Variants in LINGO2 observed in about 807,000 individuals in gnomAD.
LINGO2 encodes the protein leucine-rich repeat and immunoglobulin-like domain-containing nogo receptor-interacting protein 2.
LINGO2 carries 14 observed loss-of-function variants against 30.6 expected under a neutral mutation model. The ratio of observed to expected loss-of-function variants is 0.46; its 90% CI spans 0.30 to 0.72. LINGO2 has a LOEUF of 0.72. Ranked by LOEUF, LINGO2 falls within the 30% of genes least tolerant of loss-of-function variation. The pLI, the probability that LINGO2 is intolerant of heterozygous loss-of-function variation, is 0.07. For synonymous variants in LINGO2, 317 were observed against 288.5 expected, an observed-to-expected ratio of 1.10 and a Z score of -1.00; for missense variants, 729 against 751.7, an observed-to-expected ratio of 0.97 and a Z score of 0.35.
chr9:28,346,544 G>T (rs1279573783), intron 3 of LINGO2, among the ~76,000 whole-genome samples: 1 of 152,068 alleles, frequency 6.6e-6, no homozygotes, highest in Non-Finnish European at 1.5e-5. Context: ...ATTCCTTTGG[G>T]TACATATCCA....
chr9:27,998,263 ACT>A (rs1821769830), intron 5 of LINGO2, among the ~76,000 whole-genome samples: 1 of 151,912 alleles, frequency 6.6e-6, no homozygotes, highest in South Asian at 2.1e-4. Flanking sequence ...CCTCCACCTG[ACT>A]CTTTTGGAAT....
At chr9:28,213,291 C>A (rs1004792081) in intron 4 of LINGO2, among the ~76,000 whole-genome samples, 2 of 151,142 alleles carry the variant, frequency 1.3e-5, no homozygotes, top group Admixed American at 6.6e-5. Context: ...TTTTAGGAAC[C>A]CCTGTGTTTT....
At position 28,024,867 on chromosome 9, in the gene LINGO2, C is replaced by T. The variant is rs936710276; in HGVS notation, c.-86-12462G>A. ...CATTTGAGCAGTATCTCCCCAGCCG[C>T]GACAATGAAATCAGGTCCTTACTAG... On this transcript the variant is annotated intron_variant, in intron 4 of 5. Coordinates refer to ENST00000379992, the Ensembl canonical transcript of LINGO2. Among the ~76,000 whole-genome samples the T allele has an allele frequency of 2.6e-5, 4 of 152,096 alleles. No individual in the cohort carries two copies. In the East Asian group the frequency reaches 5.8e-4, roughly 22 times the overall value.
At chr9:28,538,432 C>A (rs1821527702) in intron 1 of LINGO2, among the ~76,000 whole-genome samples, 1 of 151,796 alleles carries the variant, frequency 6.6e-6, no homozygotes, top group East Asian at 1.9e-4. Flanking sequence ...ACATAGTTAA[C>A]ACAAGTATTA....
chr9:27,949,308 TTGG>T (rs1823506532), exon 6 of LINGO2: 1 of 1,613,968 alleles, frequency 6.2e-7, no homozygotes. Context: ...TCCATTGGAC[TTGG>T]TGGTGATGAA....
At position 28,439,638 on chromosome 9, in the gene LINGO2, T is replaced by C. The variant is rs193272948; in HGVS notation, c.-279+36302A>G. Among the ~76,000 whole-genome samples the C allele has an allele frequency of 1.9e-4, 29 of 152,228 alleles. No individual in the cohort carries two copies. In the East Asian group the frequency reaches 4.4e-3, roughly 23 times the overall value. On this transcript the variant is annotated intron_variant, in intron 2 of 5. Coordinates refer to ENST00000379992, the Ensembl canonical transcript of LINGO2. ...CTCTCTCATCCTCCTGCTCCAGTCA[T>C]ATAGGACGTGCTGGCTTCCCCTTTG...
At chr9:28,063,520 T>A (rs995364291) in intron 4 of LINGO2, among the ~76,000 whole-genome samples, 33 of 152,022 alleles carry the variant, frequency 2.2e-4, no homozygotes, top group African/African-American at 5.8e-4. Flanking sequence ...GACCTCAGCC[T>A]CCTAAGTGGC....
the LINGO2 span, among the ~76,000 whole-genome samples, chr9:28,775,726 A>G: frequency 6.6e-6 from 1 of 152,210 alleles, no homozygotes; most frequent in African/African-American, 2.4e-5. Flanking sequence ...GTGCATACTG[A>G]TAATGATTTG....
intron 5 of LINGO2, among the ~76,000 whole-genome samples, chr9:27,976,540 C>G (rs755487933): frequency 1.3e-5 from 2 of 151,934 alleles, no homozygotes; most frequent in Non-Finnish European, 1.5e-5. Flanking sequence ...AGCATTTACT[C>G]CTCACAACAA....
intron 4 of LINGO2, among the ~76,000 whole-genome samples, chr9:28,180,035 C>A (rs1184778995): frequency 6.6e-6 from 1 of 152,106 alleles, no homozygotes; most frequent in African/African-American, 2.4e-5. Context: ...AGCCTTCATA[C>A]TTATATTTTC....
At chr9:28,901,962 G>C in the LINGO2 span, among the ~76,000 whole-genome samples, 3 of 152,206 alleles carry the variant, frequency 2.0e-5, no homozygotes, top group Admixed American at 6.5e-5. Context: ...GGCCAAAGCA[G>C]GAGGATCACT....
the LINGO2 span, among the ~76,000 whole-genome samples, chr9:28,797,359 T>TATATATATATATAGAGAGAG: frequency 4.1e-4 from 14 of 34,206 alleles, no homozygotes; most frequent in African/African-American, 1.3e-3. Flanking sequence ...TATATATATA[T>TATATATATATATAGAGAGAG]AGAGAGAGAG....
chr9:28,672,331 TA>T (rs1191685781), upstream of LINGO2, among the ~76,000 whole-genome samples: 1 of 152,234 alleles, frequency 6.6e-6, no homozygotes, highest in African/African-American at 2.4e-5. Flanking sequence ...GGTTGTTTTC[TA>T]AATCTGTATA....
At chr9:28,381,100 C>A (rs1821336335) in intron 2 of LINGO2, among the ~76,000 whole-genome samples, 2 of 151,986 alleles carry the variant, frequency 1.3e-5, no homozygotes, top group African/African-American at 4.8e-5. Flanking sequence ...AGAAAAGGAT[C>A]CTTGACAATG....
At chr9:28,341,772 A>G (rs1407253133) in intron 3 of LINGO2, among the ~76,000 whole-genome samples, 1 of 152,138 alleles carries the variant, frequency 6.6e-6, no homozygotes, top group Non-Finnish European at 1.5e-5. Context: ...TGGCCTCCTG[A>G]CTCAAAATCT....
chr9:28,660,724 T>C (rs62550186), intron 1 of LINGO2, among the ~76,000 whole-genome samples: 12,855 of 152,140 alleles, frequency 0.084, 616 homozygotes, highest in Middle Eastern at 0.11. Flanking sequence ...ATAATGGTTA[T>C]GCATTGTATA....
the LINGO2 span, among the ~76,000 whole-genome samples, chr9:29,108,151 C>T: frequency 3.4e-4 from 52 of 152,128 alleles, no homozygotes; most frequent in Non-Finnish European, 6.2e-4. Context: ...AGCCACACAG[C>T]GTCAGCCATT....
intron 4 of LINGO2, among the ~76,000 whole-genome samples, chr9:28,277,599 T>C (rs1317907330): frequency 6.7e-6 from 1 of 150,198 alleles, no homozygotes; most frequent in South Asian, 2.1e-4. Context: ...AGGTCAGGAG[T>C]TTGAGACCAG....
At chr9:29,065,904 T>C in the LINGO2 span, among the ~76,000 whole-genome samples, 2 of 152,010 alleles carry the variant, frequency 1.3e-5, no homozygotes, top group Non-Finnish European at 2.9e-5. Context: ...TACAACTTTG[T>C]TTTTGATTCA....
Sources: allele counts gnomAD v4.1 joint callset (sites outside exome capture counted in the v4.1 genomes callset), GRCh38; gene constraint gnomAD v4.1.1; transcripts MANE v1.5; gene names NCBI Gene and HGNC (gene_info 2026-07-23, HGNC 2026-07-21).